Variants in CLEC2D observed in about 807,000 individuals in gnomAD.
CLEC2D encodes the protein C-type lectin related f.
In CLEC2D, 16 loss-of-function variants were observed where a neutral mutation model predicts 20.0. The observed-to-expected ratio is 0.80, with a 90% CI of 0.54 to 1.22. The LOEUF (loss-of-function observed/expected upper bound fraction) is 1.22. Among genes scored for constraint, CLEC2D ranks in the 50% most tolerant of loss-of-function variants. The probability of loss-of-function intolerance (pLI) is 0.00; values close to 1 mark genes in which losing one functional copy is unlikely to be tolerated. For missense variants in CLEC2D, 207 were observed against 221.5 expected, an observed-to-expected ratio of 0.93 and a Z score of 0.42; for synonymous variants, 77 against 71.1, an observed-to-expected ratio of 1.08 and a Z score of -0.42.
chr12:9,675,341 A>G (rs1368825721), intron 1 of CLEC2D, among the ~76,000 whole-genome samples: 2 of 151,554 alleles, frequency 1.3e-5, no homozygotes, highest in African/African-American at 4.9e-5. Flanking sequence ...GACTACAGAC[A>G]CCTGCCACCA....
chr12:9,688,862 G>A (rs894824047), intron 3 of CLEC2D, among the ~76,000 whole-genome samples: 2 of 152,152 alleles, frequency 1.3e-5, no homozygotes, highest in East Asian at 1.9e-4. Flanking sequence ...TGGAATTCTC[G>A]AGTCTAGTTA....
At chr12:9,692,580 G>C (rs942226886) in intron 3 of CLEC2D, among the ~76,000 whole-genome samples, 3 of 152,130 alleles carry the variant, frequency 2.0e-5, no homozygotes, top group Non-Finnish European at 4.4e-5. Context: ...AATTGGAGAA[G>C]AGTCATACAA....
chr12:9,675,497 T>C (rs1304840096), intron 1 of CLEC2D, among the ~76,000 whole-genome samples: 1 of 152,212 alleles, frequency 6.6e-6, no homozygotes, highest in Non-Finnish European at 1.5e-5. Flanking sequence ...CCCAGCCTTA[T>C]TTGTCTGTTC....
At chr12:9,689,527 A>T (rs1379530458) in intron 3 of CLEC2D, among the ~76,000 whole-genome samples, 1 of 152,196 alleles carries the variant, frequency 6.6e-6, no homozygotes, top group East Asian at 1.9e-4. Flanking sequence ...CTCAGATATT[A>T]AAAATATGAG....
Position 9,693,726 on chromosome 12 carries a change from A to G in CLEC2D, c.461+795A>G, listed in dbSNP as rs1459032836. 1.0e-5 allele frequency: 4 copies of G among 397,082 alleles called. No individual in the cohort carries two copies. In the Admixed American group the frequency reaches 1.2e-4, roughly 11 times the overall value. 24.6% of individuals were successfully genotyped at this position (397,082 alleles called of 1,614,324 possible). A position where few individuals can be genotyped will look rare whatever the true frequency, so the allele number is the denominator to read the frequency against. On this transcript the variant is annotated intron_variant, in intron 4 of 4. Transcript: ENST00000290855. ...TGCACATTGTGACTGCTTCATAAATATCTAGAATTAACTTTTATTTCTTAT... is the reference window on the plus strand; with the variant it reads ...TGCACATTGTGACTGCTTCATAAATGTCTAGAATTAACTTTTATTTCTTAT...
At chr12:9,685,573 A>C (rs1340317283) in intron 2 of CLEC2D, among the ~76,000 whole-genome samples, 1 of 152,224 alleles carries the variant, frequency 6.6e-6, no homozygotes, top group African/African-American at 2.4e-5. Context: ...GTCCGGCTGC[A>C]GTGGCTTTGC....
chr12:9,680,448 C>A (rs1364896430), intron 1 of CLEC2D, among the ~76,000 whole-genome samples: 3 of 152,282 alleles, frequency 2.0e-5, no homozygotes, highest in Admixed American at 2.0e-4. Context: ...ACTCTCCTAT[C>A]CTTCCAAGAA....
chr12:9,687,370 CAGG>C (rs1410543181), intron 2 of CLEC2D, among the ~76,000 whole-genome samples: 1 of 152,146 alleles, frequency 6.6e-6, no homozygotes, highest in African/African-American at 2.4e-5. Flanking sequence ...GCTGATCTGA[CAGG>C]AGGTGGAGCT....
intron 1 of CLEC2D, among the ~76,000 whole-genome samples, chr12:9,670,974 C>T (rs1314069195): frequency 6.6e-6 from 1 of 152,160 alleles, no homozygotes; most frequent in Admixed American, 6.5e-5. Context: ...GTTCATGGGT[C>T]TCTTTCTAAA....
rs1389264088 is a variant in CLEC2D, at chr12:9,696,122, G to C, written c.*1248G>C. 8.1e-6 allele frequency: 8 copies of C among 988,266 alleles called. No homozygotes were observed. The highest frequency in any genetic ancestry group is 1.3e-5 in the Non-Finnish European group (8 of 624,844). 61.2% of individuals were successfully genotyped at this position (988,266 alleles called of 1,614,324 possible). On this transcript the variant is annotated 3_prime_UTR_variant, in exon 5 of 5. Coordinates refer to ENST00000290855, the MANE Select transcript of CLEC2D (RefSeq NM_013269.6). ...ATGCAAGCAAGTATAGAAAAACGTG[G>C]TTCTCTTCCCAAAGTGGAAACCAAG... is the stretch of plus-strand genomic sequence containing the variant.
intron 4 of CLEC2D, chr12:9,693,727 T>C (rs539322222): frequency 7.5e-6 from 3 of 398,204 alleles, no homozygotes; most frequent in African/African-American, 4.2e-5. Flanking sequence ...TTCATAAATA[T>C]CTAGAATTAA....
At chr12:9,680,212 T>G (rs761778574) in intron 1 of CLEC2D, 1 of 340,992 alleles carries the variant, frequency 2.9e-6, no homozygotes, top group Non-Finnish European at 6.1e-6. Context: ...CCTGCTGCCA[T>G]GTGAAGAAGA....
chr12:9,670,358 G>T (rs1303201059), intron 1 of CLEC2D, among the ~76,000 whole-genome samples: 1 of 152,102 alleles, frequency 6.6e-6, no homozygotes, highest in African/African-American at 2.4e-5. Flanking sequence ...GAATATCAAG[G>T]TTTTATAACT....
chr12:9,675,473 C>T lies in CLEC2D; in HGVS notation c.62-5450C>T, dbSNP rs970734355. 2.0e-5 allele frequency among the ~76,000 whole-genome samples: 3 copies of T among 152,198 alleles called. No homozygotes were observed. In the East Asian group the frequency reaches 5.8e-4, roughly 29 times the overall value. ...CCTCCCAAAGTGCTAGGATTACAGG[C>T]GTGAGCCACCGCGCCCAGCCTTATT... On this transcript the variant is annotated intron_variant, in intron 1 of 4. Transcript: ENST00000290855.
chr12:9,681,066 AG>A, intron 2 of CLEC2D, 33 bp downstream of exon 2: 1 of 1,063,922 alleles, frequency 9.4e-7, no homozygotes, highest in Non-Finnish European at 1.4e-6. Flanking sequence ...TCATCTAGAG[AG>A]AATTATACTT....
chr12:9,685,966 C>T (rs2120947257), intron 2 of CLEC2D, among the ~76,000 whole-genome samples: 1 of 152,228 alleles, frequency 6.6e-6, no homozygotes, highest in East Asian at 1.9e-4. Flanking sequence ...TGCTTGAAAC[C>T]CAGGGTTCTG....
chr12:9,684,118 T>A (rs1227446390), intron 2 of CLEC2D, among the ~76,000 whole-genome samples: 1 of 152,196 alleles, frequency 6.6e-6, no homozygotes, highest in Non-Finnish European at 1.5e-5. Flanking sequence ...TTCTTAGGTA[T>A]TTTATTCTCT....
At chr12:9,681,896 TTTTA>T (rs1165221966) in intron 2 of CLEC2D, among the ~76,000 whole-genome samples, 1 of 152,234 alleles carries the variant, frequency 6.6e-6, no homozygotes, top group Non-Finnish European at 1.5e-5. Context: ...AAAATAATTT[TTTTA>T]TTTCAGAGAT....
At chr12:9,694,400 T>C (rs1041008207) in intron 4 of CLEC2D, among the ~76,000 whole-genome samples, 2 of 152,156 alleles carry the variant, frequency 1.3e-5, no homozygotes, top group African/African-American at 2.4e-5. Context: ...CAAGCATGGT[T>C]TTTAGAAATA....
Sources: allele counts gnomAD v4.1 joint callset (sites outside exome capture counted in the v4.1 genomes callset), GRCh38; gene constraint gnomAD v4.1.1; transcripts MANE v1.5; gene names NCBI Gene and HGNC (gene_info 2026-07-23, HGNC 2026-07-21).